Variants in PIK3C2A observed in about 807,000 individuals in gnomAD.
The protein encoded by PIK3C2A is phosphatidylinositol 4-phosphate 3-kinase C2 domain-containing subunit alpha.
In PIK3C2A, 97 loss-of-function variants were observed where a neutral mutation model predicts 204.5. The ratio of observed to expected loss-of-function variants is 0.47; its 90% CI spans 0.40 to 0.56. The LOEUF is 0.56. Ranked by LOEUF, PIK3C2A falls within the 20% of genes least tolerant of loss-of-function variation. The pLI, the probability that PIK3C2A is intolerant of heterozygous loss-of-function variation, is 0.00. For missense variants in PIK3C2A, 1,735 were observed against 1,969.2 expected (o/e 0.88, Z 2.25); for synonymous variants, 653 against 664.4 (o/e 0.98, Z 0.26).
chr11:17,197,457 T>C (rs965690790), intron 1 of PIK3C2A, among the ~76,000 whole-genome samples: 1 of 152,182 alleles, frequency 6.6e-6, no homozygotes, highest in Non-Finnish European at 1.5e-5. Flanking sequence ...TATCCACTAG[T>C]AGTCATTATT....
At position 17,087,671 on chromosome 11, in the gene PIK3C2A, T is replaced by G. The variant is rs1392735690; in HGVS notation, c.*2067A>C. ...TTTTTAAATTACAGTGGCTAAGTGA[T>G]AACTGGTGGAATGGAATTCGGTCTC... On this transcript the variant is annotated 3_prime_UTR_variant, in exon 33 of 33. Transcript: ENST00000691414. The G allele has an allele frequency of 6.6e-6, 1 of 152,220 alleles. No homozygotes were observed. Among genetic ancestry groups the G allele is most frequent in the East Asian group, 1.9e-4 (1 of 5,202 alleles). 9.4% of individuals were successfully genotyped at this position (152,220 alleles called of 1,614,324 possible). A position where few individuals can be genotyped will look rare whatever the true frequency, so the allele number is the denominator to read the frequency against.
rs187630260 is a variant in PIK3C2A, at chr11:17,102,310, G to C, written c.3851+352C>G. Among the ~76,000 whole-genome samples, 1,009 of 152,152 alleles carry C rather than the reference G, an allele frequency of 6.6e-3. 10 individuals carry two copies. The highest frequency in any genetic ancestry group is 0.023 in the African/African-American group (973 of 41,528). ...AAATTAGCCGGGCGTGGTGGCGGGC[G>C]CCTGTAGTCCCAGCTACTCAGGAGG... is the stretch of plus-strand genomic sequence containing the variant. On this transcript the variant is annotated intron_variant, in intron 24 of 32. Coordinates refer to ENST00000691414, the MANE Select transcript of PIK3C2A (RefSeq NM_002645.4).
chr11:17,201,939 T>C (rs1251328137), intron 1 of PIK3C2A, among the ~76,000 whole-genome samples: 6 of 152,106 alleles, frequency 3.9e-5, no homozygotes. Flanking sequence ...AACACTCAAA[T>C]GCCATATGAA....
chr11:17,157,896 T>C (rs1258413642), intron 2 of PIK3C2A, among the ~76,000 whole-genome samples: 1 of 152,180 alleles, frequency 6.6e-6, no homozygotes, highest in Non-Finnish European at 1.5e-5. Flanking sequence ...TCTGCCACAA[T>C]CTAATCCAAT....
At chr11:17,096,368 T>C (rs981160463) in intron 27 of PIK3C2A, among the ~76,000 whole-genome samples, 2 of 152,148 alleles carry the variant, frequency 1.3e-5, no homozygotes, top group African/African-American at 4.8e-5. Context: ...TACAATACTT[T>C]AAAGCATATA....
Position 17,102,842 on chromosome 11 carries a change from C to T in PIK3C2A, c.3682-11G>A. On this transcript the variant is annotated splice_polypyrimidine_tract_variant and intron_variant, in intron 23 of 32. Transcript: ENST00000691414. ...AAAGTTCTCTGAAGCCTATAAAAAA[C>T]ATACACAATTATTTTAGAAAATGAA... 6.6e-7 allele frequency: 1 copy of T among 1,521,916 alleles called. No individual in the cohort carries two copies. The highest frequency in any genetic ancestry group is 2.0e-5 in the Admixed American group (1 of 49,382). 94.3% of individuals were successfully genotyped at this position (1,521,916 alleles called of 1,614,324 possible). A position where few individuals can be genotyped will look rare whatever the true frequency, so the allele number is the denominator to read the frequency against.
intron 19 of PIK3C2A, among the ~76,000 whole-genome samples, chr11:17,115,372 GAAAAAAAAAAAAA>G (rs58726258): frequency 1.2e-5 from 1 of 84,646 alleles, no homozygotes; most frequent in Non-Finnish European, 2.3e-5. Flanking sequence ...GTCCCTACAA[GAAAAAAAAAAAAA>G]AAAAAAAAAG....
At chr11:17,098,357 G>A (rs1249090536) in intron 26 of PIK3C2A, among the ~76,000 whole-genome samples, 2 of 152,340 alleles carry the variant, frequency 1.3e-5, no homozygotes, top group East Asian at 3.9e-4. Flanking sequence ...GAAGAGATGA[G>A]AGAGCTAGTT....
At position 17,169,933 on chromosome 11, in the gene PIK3C2A, T is replaced by A. The variant is rs376752503; in HGVS notation, c.-65-127A>T. 5.7e-4 allele frequency: 312 copies of A among 544,664 alleles called. 1 individual carries two copies. The highest frequency in any genetic ancestry group is 5.5e-3 in the African/African-American group (292 of 52,718). The allele number at this position is 544,664 out of a possible 1,614,324, so 33.7% of individuals were successfully genotyped here. ...AAAATATACTACAAAATAAACAAAA[T>A]AAAACAGATAAAATCTGGGTGAAGG... On this transcript the variant is annotated intron_variant, in intron 1 of 32. Transcript: ENST00000691414.
rs746017308 is a variant in PIK3C2A, at chr11:17,169,103, A to C, written c.639T>G (p.Pro213=). 2.5e-6 allele frequency: 4 copies of C among 1,614,230 alleles called. No individual in the cohort carries two copies. In the East Asian group the frequency reaches 8.9e-5, roughly 36 times the overall value. Residue 213 remains proline (P), a synonymous_variant, in exon 2 of 33, where the codon CCT becomes CCG. Transcript: ENST00000691414. ...CAGTACTGACTACTGGACGATAGAT[A>C]GGTAAGCTTCCTTGTGGATGAAAGG... The part of the protein sequence containing the change: ...ATPFHPQGSL[P]IYRPVVSTDM...
chr11:17,171,572 T>TA (rs1258443598), intron 1 of PIK3C2A, among the ~76,000 whole-genome samples: 9 of 152,334 alleles, frequency 5.9e-5, no homozygotes, highest in Admixed American at 5.2e-4. Flanking sequence ...GGAATGTTCT[T>TA]AGTGTATTAT....
intron 8 of PIK3C2A, chr11:17,138,002 G>A (rs1849931634): frequency 3.3e-6 from 2 of 608,078 alleles, no homozygotes; most frequent in South Asian, 3.0e-5. Context: ...CTCCCTGCTT[G>A]TGCTTTCAAC....
chr11:17,154,849 G>C (rs1850530583), intron 3 of PIK3C2A, among the ~76,000 whole-genome samples: 1 of 152,158 alleles, frequency 6.6e-6, no homozygotes, highest in South Asian at 2.1e-4. Context: ...TGCTATTTGG[G>C]TTGTGAACCA....
At chr11:17,171,081 C>T (rs963308959) in intron 1 of PIK3C2A, among the ~76,000 whole-genome samples, 6 of 151,698 alleles carry the variant, frequency 4.0e-5, no homozygotes, top group South Asian at 2.1e-4. Flanking sequence ...CCAGCCTGGG[C>T]GACAGAGAGA....
Position 17,168,852 on chromosome 11 carries a change from CTTGAAACAT to C in PIK3C2A, c.881_889del (p.Asn294_Ser296del). ...ATCCCAAGGATCCTTTGCTAGCAAA[CTTGAAACAT>C]TTTTCTCTTCCTCATGGTCTAATAC... On this transcript the variant is annotated inframe_deletion, in exon 2 of 33. Coordinates refer to ENST00000691414, the MANE Select transcript of PIK3C2A (RefSeq NM_002645.4). The C allele has an allele frequency of 6.2e-7, 1 of 1,614,098 alleles. No homozygotes were observed. The highest frequency in any genetic ancestry group is 8.5e-7 in the Non-Finnish European group (1 of 1,180,018).
Position 17,129,481 on chromosome 11 carries a change from A to AATGT in PIK3C2A, c.2232-18_2232-15dup. On this transcript the variant is annotated splice_polypyrimidine_tract_variant and intron_variant, in intron 12 of 32. Transcript: ENST00000691414. ...GGAAAAATGATTCTATGGGGGGAAAAATGTATTAATAGAACAAATTAGATT... is the reference window on the plus strand; with the variant it reads ...GGAAAAATGATTCTATGGGGGGAAAAATGTATGTATTAATAGAACAAATTAGATT... The AATGT allele has an allele frequency of 6.5e-7, 1 of 1,532,938 alleles. No individual in the cohort carries two copies. Among genetic ancestry groups the AATGT allele is most frequent in the Non-Finnish European group, 9.0e-7 (1 of 1,110,906 alleles). The allele number at this position is 1,532,938 out of a possible 1,614,324, so 95.0% of individuals were successfully genotyped here.
intron 11 of PIK3C2A, among the ~76,000 whole-genome samples, chr11:17,132,392 C>T (rs1849727568): frequency 7.1e-6 from 1 of 140,236 alleles, no homozygotes; most frequent in Non-Finnish European, 1.5e-5. Context: ...TGCAGTGGCG[C>T]AATCTCGGCT....
chr11:17,092,304 G>C, intron 28 of PIK3C2A, 28 bp from the exon 29 acceptor site: 2 of 973,708 alleles, frequency 2.1e-6, no homozygotes, highest in Middle Eastern at 4.5e-4. Flanking sequence ...AAACAAGTGG[G>C]ATTTAAATAA....
At chr11:17,192,089 A>C (rs545773) in intron 1 of PIK3C2A, among the ~76,000 whole-genome samples, 5 of 151,894 alleles carry the variant, frequency 3.3e-5, no homozygotes, top group Admixed American at 3.3e-4. Context: ...AGGTTGCAGC[A>C]AGCGGAGATC....
Sources: gnomAD v4.1 joint callset for allele counts (sites outside exome capture counted in the v4.1 genomes callset) on GRCh38, gnomAD v4.1.1 for gene constraint, MANE v1.5 for transcripts, NCBI Gene and HGNC (gene_info 2026-07-23, HGNC 2026-07-21) for gene names.